Variants in PRG4 observed in about 807,000 individuals in gnomAD.
PRG4 encodes the protein articular superficial zone protein.
A neutral mutation model predicts 91.2 loss-of-function variants in PRG4; 61 were observed. The ratio of observed to expected loss-of-function variants is 0.67; its 90% CI spans 0.54 to 0.83. PRG4 has a LOEUF of 0.83. Ranked by LOEUF, PRG4 falls within the 40% of genes least tolerant of loss-of-function variation. The pLI is 0.00. For synonymous variants in PRG4, 576 were observed against 614.2 expected (o/e 0.94, Z 0.92); for missense variants, 1,564 against 1,714.2 (o/e 0.91, Z 1.55).
At position 186,312,821 on chromosome 1, in the gene PRG4, TG is replaced by T. The variant is rs1332362524; in HGVS notation, c.4045del (p.Val1349TrpfsTer66). ...GTATACTGTGGAGAGGACTTCCAAA[TG>T]TGGTTACCTCAGCTATATCACTGCC... ...VSILWRGLPN[V>X]VTSAISLPNI... is the part of the protein sequence containing the mutation. On this transcript the variant is annotated frameshift_variant, in exon 12 of 13. Transcript: ENST00000445192. LOFTEE classifies it high-confidence loss of function. The T allele has an allele frequency of 6.2e-7, 1 of 1,611,746 alleles. No homozygotes were observed. Among genetic ancestry groups the T allele is most frequent in the Non-Finnish European group, 8.5e-7 (1 of 1,177,820 alleles).
rs773685823 is a variant in PRG4 at position 186,311,012 on chromosome 1, G to C, written c.3500-22G>C. On this transcript the variant is annotated intron_variant, in intron 8 of 12. Transcript: ENST00000445192. ...AGGTTTAGCATTCAGCTTGTAGGCT[G>C]ATGTCTTTCCTTAAATTTTAGGTCA... 3.1e-6 allele frequency: 5 copies of C among 1,613,690 alleles called. No homozygotes were observed. The South Asian group carries it at 5.5e-5, about 18-fold the overall frequency.
Position 186,308,258 on chromosome 1 carries a change from C to A in PRG4, c.2539C>A (p.Pro847Thr). 1 of 1,613,996 alleles carries A rather than the reference C, an allele frequency of 6.2e-7. No homozygotes were observed. Among genetic ancestry groups the A allele is most frequent in the Admixed American group, 1.7e-5 (1 of 60,016 alleles). ...CCCCAAGAAGCCTGCTCCAACTACT[C>A]CTGAGACACCTCCTCCAACCACTTC... ...TTPKKPAPTTPETPPPTTSEV... is the reference protein window; with the variant it reads ...TTPKKPAPTTTETPPPTTSEV... Residue 847 changes from proline to threonine, a missense_variant, in exon 7 of 13, where the codon CCT becomes ACT. Pro to Thr is a conservative substitution (Grantham distance 38, BLOSUM62 -1). Transcript: ENST00000445192.
chr1:186,305,646 T>C (rs1656506071), intron 6 of PRG4, among the ~76,000 whole-genome samples: 1 of 152,248 alleles, frequency 6.6e-6, no homozygotes, highest in African/African-American at 2.4e-5. Context: ...ATTTAATCTT[T>C]TAGTCACCCA....
chr1:186,312,025 C>T, intron 10 of PRG4, 150 bp from the exon 11 acceptor site: 2 of 629,042 alleles, frequency 3.2e-6, no homozygotes, highest in Non-Finnish European at 5.5e-6. Flanking sequence ...TTTATAATAC[C>T]CTTGACTAAT....
chr1:186,296,924 T>G lies in PRG4; in HGVS notation c.49T>G (p.Phe17Val). ...PIYLLLLLSV[F>V]VIQQVSSQDL... ...TTACCTGTTGTTGCTGCTGTCTGTT[T>G]TCGTGATTCAGCAAGTTTCATCTCA... Residue 17 changes from phenylalanine (F) to valine (V), a missense_variant, in exon 2 of 13, where the codon TTC becomes GTC. This residue lies in a region of PRG4 where 437 missense variants were observed against 459.0 expected (regional missense o/e 0.95). Transcript: ENST00000445192. 1 of 1,614,058 alleles carries G rather than the reference T, an allele frequency of 6.2e-7. No homozygotes were observed. Among genetic ancestry groups the G allele is most frequent in the Non-Finnish European group, 8.5e-7 (1 of 1,179,934 alleles).
Position 186,306,876 on chromosome 1 carries a change from C to T in PRG4, c.1157C>T (p.Thr386Ile), listed in dbSNP as rs780561717. Residue 386 changes from threonine to isoleucine, a missense_variant, in exon 7 of 13, where the codon ACC (threonine) becomes ATC (isoleucine). By Grantham distance (89) the Thr-to-Ile change is moderately conservative (BLOSUM62 -1). Around this residue, in one of 3 missense-constraint regions of PRG4, gnomAD observed 437 missense variants for 459.0 expected, o/e 0.95. Transcript: ENST00000445192. ...TTPKEPAPTTTKSAPTTPKEP... is the reference protein window; with the variant it reads ...TTPKEPAPTTIKSAPTTPKEP... The stretch of plus-strand genomic sequence containing the variant: ...CCCAAGGAGCCTGCACCCACCACCA[C>T]CAAGTCTGCACCCACCACTCCCAAG... The T allele has an allele frequency of 3.7e-6, 6 of 1,608,666 alleles. No homozygotes were observed. The highest frequency in any genetic ancestry group is 1.7e-5 in the Admixed American group (1 of 59,562).
chr1:186,312,062 A>T, intron 10 of PRG4, 113 bp from the exon 11 acceptor site: 2 of 816,686 alleles, frequency 2.4e-6, no homozygotes, highest in Non-Finnish European at 4.0e-6. Context: ...AATATATTAT[A>T]TGAAAAATGA....
chr1:186,304,092 T>C lies in PRG4; in HGVS notation c.320-16T>C, dbSNP rs200262050. 1.2e-6 allele frequency: 2 copies of C among 1,613,710 alleles called. No individual in the cohort carries two copies. Among genetic ancestry groups the C allele is most frequent in the African/African-American group, 1.3e-5 (1 of 75,040 alleles). ...CATAAACAAGATGTTAACTGACTTG[T>C]CTTACTTGGCCTCAGTGCATAATCC... On this transcript the variant is annotated splice_polypyrimidine_tract_variant and intron_variant, in intron 4 of 12. Transcript: ENST00000445192.
At position 186,312,268 on chromosome 1, in the gene PRG4, C is replaced by T. The variant is rs12134934; in HGVS notation, c.3887C>T (p.Thr1296Met). Reference protein sequence around the residue: ...PALNYPVYGETTQVRRRRFER... With the variant: ...PALNYPVYGEMTQVRRRRFER... ...CTAAATTATCCAGTGTATGGAGAAACGACACAGGTTAGGAGACGTCGCTTT... is the reference window on the plus strand; with the variant it reads ...CTAAATTATCCAGTGTATGGAGAAATGACACAGGTTAGGAGACGTCGCTTT... The change falls in exon 11 of 13, where the codon ACG (threonine) becomes ATG (methionine). Residue 1296 changes from threonine to methionine, a missense_variant. Thr to Met is a moderately conservative substitution (Grantham distance 81, BLOSUM62 -1). Around this residue, in one of 3 missense-constraint regions of PRG4, gnomAD observed 1,079 missense variants for 1,162.2 expected, o/e 0.93. Coordinates refer to ENST00000445192, the MANE Select transcript of PRG4 (RefSeq NM_005807.6). 74,829 of 1,613,812 alleles carry T rather than the reference C, an allele frequency of 0.046. 1,939 individuals carry two copies. The highest frequency in any genetic ancestry group is 0.049 in the Non-Finnish European group (58,349 of 1,179,854).
At chr1:186,311,272 T>C (rs1657201467) in intron 9 of PRG4, 102 bp downstream of exon 9, 4 of 1,425,480 alleles carry the variant, frequency 2.8e-6, no homozygotes, top group South Asian at 1.2e-5. Context: ...TCCTTTTAAA[T>C]ACTCTGTCAT....
chr1:186,312,604 A>G, intron 11 of PRG4, 165 bp from the exon 12 acceptor site: 1 of 802,936 alleles, frequency 1.2e-6, no homozygotes, highest in Non-Finnish European at 2.0e-6. Context: ...AACCAATACT[A>G]TTTATCAAGT....
At position 186,308,025 on chromosome 1, in the gene PRG4, C is replaced by A; in HGVS notation, c.2306C>A (p.Thr769Asn). ...ACCCCTAAGGAGCCTGCTCCAACTA[C>A]CCCTAAGGAGCCTGCTCCAACTACC... Reference protein sequence around the residue: ...PTTPKEPAPTTPKEPAPTTPK... With the variant: ...PTTPKEPAPTNPKEPAPTTPK... Residue 769 changes from threonine (T) to asparagine (N), a missense_variant, in exon 7 of 13, where the codon ACC (threonine) becomes AAC (asparagine). Transcript: ENST00000445192. 6.2e-7 allele frequency: 1 copy of A among 1,610,524 alleles called. No homozygotes were observed.
chr1:186,296,801 G>A (rs1466568689), intron 1 of PRG4, 45 bp from the exon 2 acceptor site: 6 of 1,021,214 alleles, frequency 5.9e-6, no homozygotes, highest in Non-Finnish European at 1.5e-6. Flanking sequence ...TAAGTTAGTG[G>A]TGAGATGAAA....
In PRG4 at chr1:186,313,675, A is replaced by C. The variant is rs755758344; in HGVS notation, c.4118-6A>C. 4 of 1,562,996 alleles carry C rather than the reference A, an allele frequency of 2.6e-6. No homozygotes were observed. The East Asian group carries it at 6.7e-5, about 26-fold the overall frequency. ...TAACTAAAAAAATGTTTTCTCTTCC[A>C]TTTAGATCAATACTATAACATTGAT... On this transcript the variant is annotated splice_polypyrimidine_tract_variant and splice_region_variant and intron_variant, in intron 12 of 12. Transcript: ENST00000445192.
At chr1:186,310,945 T>A in intron 8 of PRG4, 89 bp from the exon 9 acceptor site, 1 of 1,458,304 alleles carries the variant, frequency 6.9e-7, no homozygotes, top group South Asian at 1.2e-5. Context: ...ATACAATGCA[T>A]AAGAAAACTA....
Position 186,296,913 on chromosome 1 carries a change from T to C in PRG4, c.38T>C (p.Leu13Pro). The C allele has an allele frequency of 1.2e-6, 2 of 1,614,046 alleles. No homozygotes were observed. Among genetic ancestry groups the C allele is most frequent in the African/African-American group, 2.7e-5 (2 of 75,060 alleles). Reference protein sequence around the residue: ...WKTLPIYLLLLLSVFVIQQVS... With the variant: ...WKTLPIYLLLPLSVFVIQQVS... ...ACACTTCCCATTTACCTGTTGTTGC[T>C]GCTGTCTGTTTTCGTGATTCAGCAA... Residue 13 changes from leucine to proline, a missense_variant, in exon 2 of 13, where the codon CTG becomes CCG. By Grantham distance (98) the Leu-to-Pro change is moderately conservative. Around this residue, in one of 3 missense-constraint regions of PRG4, gnomAD observed 437 missense variants for 459.0 expected, o/e 0.95. Transcript: ENST00000445192.
chr1:186,307,401 C>T lies in PRG4; in HGVS notation c.1682C>T (p.Ala561Val), dbSNP rs1254643713. 2.5e-6 allele frequency: 4 copies of T among 1,603,584 alleles called. No homozygotes were observed. The African/African-American group carries it at 4.2e-5, about 17-fold the overall frequency. The change falls in exon 7 of 13, where the codon GCA (alanine) becomes GTA (valine). Residue 561 changes from alanine to valine, a missense_variant. By Grantham distance (64) the Ala-to-Val change is moderately conservative. Coordinates refer to ENST00000445192, the MANE Select transcript of PRG4 (RefSeq NM_005807.6). ...TCACCCACCACCACCAAGGAGCCTG[C>T]ACCCACCACTCCCAAGGAGCCTGCA... The part of the protein sequence containing the change: ...EPSPTTTKEP[A>V]PTTPKEPAPT...
intron 4 of PRG4, among the ~76,000 whole-genome samples, chr1:186,303,410 C>T (rs1656344717): frequency 6.6e-6 from 1 of 151,070 alleles, no homozygotes; most frequent in African/African-American, 2.4e-5. Context: ...CCAGAGAGTC[C>T]CCAGTGCTGT....
chr1:186,296,946 C>T lies in PRG4; in HGVS notation c.71C>T (p.Ser24Phe). ...GTTTTCGTGATTCAGCAAGTTTCAT[C>T]TCAAGGTAGCTTAACCATCGAACAT... Reference protein sequence around the residue: ...LSVFVIQQVSSQDLSSCAGRC... With the variant: ...LSVFVIQQVSFQDLSSCAGRC... The change falls in exon 2 of 13, where the codon TCT (serine) becomes TTT (phenylalanine). Residue 24 changes from serine to phenylalanine, a missense_variant. This residue lies in a region of PRG4 where 437 missense variants were observed against 459.0 expected (regional missense o/e 0.95). Coordinates refer to ENST00000445192, the MANE Select transcript of PRG4 (RefSeq NM_005807.6). 1 of 1,612,150 alleles carries T rather than the reference C, an allele frequency of 6.2e-7. No individual in the cohort carries two copies. Among genetic ancestry groups the T allele is most frequent in the Non-Finnish European group, 8.5e-7 (1 of 1,178,222 alleles).
Sources: gnomAD v4.1 joint callset for allele counts (sites outside exome capture counted in the v4.1 genomes callset) on GRCh38, gnomAD v4.1.1 for gene constraint, gnomAD v4.1.1 regional missense constraint, MANE v1.5 for transcripts, NCBI Gene and HGNC (gene_info 2026-07-23, HGNC 2026-07-21) for gene names.